The following RANBP10 variants were observed in gnomAD, a reference collection of about 807,000 sequenced individuals.
The protein encoded by RANBP10 is ran-binding protein 10.
Under a neutral mutation model 72.8 loss-of-function variants are expected in RANBP10, and 24 were observed. That is an observed-to-expected ratio of 0.33 (90% confidence interval 0.24 to 0.46). The LOEUF (loss-of-function observed/expected upper bound fraction) is 0.46. Among genes scored for constraint, RANBP10 ranks in the 20% least tolerant of loss-of-function variants. The probability of loss-of-function intolerance (pLI) is 1.00; values close to 1 mark genes in which losing one functional copy is unlikely to be tolerated. For synonymous variants in RANBP10, 310 were observed against 322.3 expected, an observed-to-expected ratio of 0.96 and a Z score of 0.41; for missense variants, 679 against 817.5, an observed-to-expected ratio of 0.83 and a Z score of 2.07.
At position 67,737,949 on chromosome 16, in the gene RANBP10, AC is replaced by A. The variant is rs976039176; in HGVS notation, c.591+63del. 11 of 1,524,866 alleles carry A rather than the reference AC, an allele frequency of 7.2e-6. No homozygotes were observed. In the African/African-American group the frequency reaches 1.5e-4, roughly 21 times the overall value. 94.5% of individuals were successfully genotyped at this position (1,524,866 alleles called of 1,614,324 possible). On this transcript the variant is annotated intron_variant, in intron 5 of 13. Transcript: ENST00000317506. The stretch of plus-strand genomic sequence containing the variant: ...TCCACACCCTGCACTTGCAGGTACC[AC>A]CGTGCCCCATCCCAGTCAGCCCCCA...
intron 2 of RANBP10, among the ~76,000 whole-genome samples, chr16:67,790,892 G>T (rs977216768): frequency 1.3e-5 from 2 of 151,336 alleles, no homozygotes; most frequent in East Asian, 3.9e-4. Flanking sequence ...TAGAGACGGG[G>T]TCTCATCATG....
rs2053568073 is a variant in RANBP10, at chr16:67,724,318, T to C, written c.*2110A>G. Reference sequence around the variant, plus strand: ...GGATAGTCCCGGCTCTGCTACTAATTTGCTATGTGACTTTAGCCAAGTCAC... The same window carrying C: ...GGATAGTCCCGGCTCTGCTACTAATCTGCTATGTGACTTTAGCCAAGTCAC... On this transcript the variant is annotated 3_prime_UTR_variant, in exon 14 of 14. Coordinates refer to ENST00000317506, the MANE Select transcript of RANBP10 (RefSeq NM_020850.3). 1 of 152,212 alleles carries C rather than the reference T, an allele frequency of 6.6e-6. No individual in the cohort carries two copies. The highest frequency in any genetic ancestry group is 1.5e-5 in the Non-Finnish European group (1 of 68,030). 9.4% of individuals were successfully genotyped at this position (152,212 alleles called of 1,614,324 possible).
At chr16:67,733,199 C>A (rs1476674674) in intron 6 of RANBP10, among the ~76,000 whole-genome samples, 1 of 151,554 alleles carries the variant, frequency 6.6e-6, no homozygotes, top group East Asian at 1.9e-4. Context: ...ACCCTGTCCC[C>A]ACAAAAAATA....
chr16:67,751,609 A>G (rs2054198056), intron 3 of RANBP10, among the ~76,000 whole-genome samples: 1 of 152,050 alleles, frequency 6.6e-6, no homozygotes, highest in African/African-American at 2.4e-5. Flanking sequence ...TGGGCAACAG[A>G]GCAAGATGTT....
intron 3 of RANBP10, among the ~76,000 whole-genome samples, chr16:67,744,868 T>G (rs2054039698): frequency 6.6e-6 from 1 of 152,220 alleles, no homozygotes; most frequent in Non-Finnish European, 1.5e-5. Flanking sequence ...CTGTCATCCA[T>G]GCTGGAGTGC....
intron 6 of RANBP10, among the ~76,000 whole-genome samples, chr16:67,732,883 T>TA (rs907556555): frequency 3.3e-5 from 5 of 149,544 alleles, no homozygotes; most frequent in Non-Finnish European, 7.4e-5. Flanking sequence ...CCATCTCTAC[T>TA]AAAAAAATAC....
chr16:67,759,247 C>A (rs551887910), intron 3 of RANBP10, among the ~76,000 whole-genome samples: 1 of 152,156 alleles, frequency 6.6e-6, no homozygotes, highest in South Asian at 2.1e-4. Flanking sequence ...TCTCTCGGAA[C>A]GAGAAACAAC....
intron 2 of RANBP10, among the ~76,000 whole-genome samples, chr16:67,781,082 C>A (rs1215854264): frequency 6.6e-6 from 1 of 152,232 alleles, no homozygotes; most frequent in African/African-American, 2.4e-5. Context: ...GGCTGGAGAG[C>A]CCCCAAAGCA....
chr16:67,770,024 C>T (rs1208949109), intron 3 of RANBP10, among the ~76,000 whole-genome samples: 1 of 152,032 alleles, frequency 6.6e-6, no homozygotes, highest in East Asian at 1.9e-4. Flanking sequence ...ATGATCATGC[C>T]ACTGCACTCC....
At chr16:67,774,584 ACT>A in intron 2 of RANBP10, among the ~76,000 whole-genome samples, 1 of 152,254 alleles carries the variant, frequency 6.6e-6, no homozygotes, top group African/African-American at 2.4e-5. Flanking sequence ...ATCTGAGTGG[ACT>A]GTCTAAGGGG....
At position 67,805,493 on chromosome 16, in the gene RANBP10, G is replaced by A; in HGVS notation, c.282C>T (p.His94=). Residue 94 remains histidine, a synonymous_variant, in exon 2 of 14, where the codon CAC becomes CAT. Transcript: ENST00000317506. Reference sequence around the variant, plus strand: ...AAATGCCACAGGCAGCAGGTATGGGGTGGGTGGCACGCACTGAGGCCGCAT... The same window carrying A: ...AAATGCCACAGGCAGCAGGTATGGGATGGGTGGCACGCACTGAGGCCGCAT... The part of the protein sequence containing the change: ...HKDAASVRAT[H]PIPAACGIYY... 2 of 1,614,184 alleles carry A rather than the reference G, an allele frequency of 1.2e-6. No individual in the cohort carries two copies. Among genetic ancestry groups the A allele is most frequent in the Non-Finnish European group, 1.7e-6 (2 of 1,180,030 alleles).
chr16:67,729,405 G>C lies in RANBP10; in HGVS notation c.1227C>G (p.Ser409Arg). The C allele has an allele frequency of 3.1e-6, 5 of 1,613,802 alleles. No homozygotes were observed. The highest frequency in any genetic ancestry group is 4.2e-6 in the Non-Finnish European group (5 of 1,180,004). Residue 409 changes from serine (S) to arginine (R), a missense_variant, in exon 10 of 14, where the codon AGC (serine) becomes AGG (arginine). Ser to Arg is a moderately radical substitution (Grantham distance 110). Transcript: ENST00000317506. The surrounding 1 kb of genome is among the most constrained non-coding windows in gnomAD (Gnocchi z 7.1). ...KQNHSKYPAP[S>R]SSSSSSSSSS... ...AGGAGGAGGAGGACGAGGATGAGGA[G>C]CTGGGTGCAGGGTATTTACTGTGGT...
intron 12 of RANBP10, 61 bp downstream of exon 12, chr16:67,727,690 G>A (rs1353774371): frequency 6.2e-7 from 1 of 1,609,590 alleles, no homozygotes; most frequent in African/African-American, 1.3e-5. Context: ...CTCTCCCAGA[G>A]CCACCCTGCC....
At chr16:67,747,709 T>A (rs2054110644) in intron 3 of RANBP10, among the ~76,000 whole-genome samples, 1 of 152,030 alleles carries the variant, frequency 6.6e-6, no homozygotes, top group Non-Finnish European at 1.5e-5. Flanking sequence ...TTCACCATGT[T>A]GGCCAGGCTG....
At chr16:67,768,320 G>C (rs2054542604) in intron 3 of RANBP10, among the ~76,000 whole-genome samples, 1 of 151,524 alleles carries the variant, frequency 6.6e-6, no homozygotes, top group South Asian at 2.1e-4. Context: ...AGGAGTTCAA[G>C]ACCAGCCTGG....
intron 2 of RANBP10, among the ~76,000 whole-genome samples, chr16:67,783,132 G>A (rs2054844912): frequency 6.6e-6 from 1 of 152,092 alleles, no homozygotes; most frequent in African/African-American, 2.4e-5. Context: ...CTGAGGTTCC[G>A]GCTCACATGG....
chr16:67,804,636 C>G (rs1369733260), intron 2 of RANBP10, among the ~76,000 whole-genome samples: 1 of 152,108 alleles, frequency 6.6e-6, no homozygotes, highest in Admixed American at 6.6e-5. Context: ...CTCCTGATCT[C>G]AAGTGATCCG....
At position 67,730,098 on chromosome 16, in the gene RANBP10, A is replaced by T; in HGVS notation, c.890-52T>A. The T allele has an allele frequency of 2.0e-6, 3 of 1,530,362 alleles. No homozygotes were observed. The highest frequency in any genetic ancestry group is 2.7e-6 in the Non-Finnish European group (3 of 1,115,460). The allele number at this position is 1,530,362 out of a possible 1,614,324, so 94.8% of individuals were successfully genotyped here. The stretch of plus-strand genomic sequence containing the variant: ...AGCGAGGGCTACAGGCCTCTCCCAC[A>T]GCCACACACCTGGGATGCTGCCAGC... On this transcript the variant is annotated intron_variant, in intron 7 of 13. Transcript: ENST00000317506. This position sits in a 1 kb window ranked among gnomAD's most constrained non-coding sequence, Gnocchi z 4.3.
chr16:67,760,864 T>C (rs895585718), intron 3 of RANBP10, among the ~76,000 whole-genome samples: 4 of 152,208 alleles, frequency 2.6e-5, no homozygotes, highest in East Asian at 1.9e-4. Context: ...TCCCTGGCTC[T>C]GGCTGAGGCA....
Sources: gnomAD v4.1 joint callset for allele counts (sites outside exome capture counted in the v4.1 genomes callset) on GRCh38, gnomAD v4.1.1 for gene constraint, Gnocchi (gnomAD v3.1) non-coding constraint, MANE v1.5 for transcripts, NCBI Gene and HGNC (gene_info 2026-07-23, HGNC 2026-07-21) for gene names.